Variants in ZFP62 observed in about 807,000 individuals in gnomAD.
ZFP62 encodes ZFP62 zinc finger protein, also known as zinc finger protein 62 homolog.
ZFP62 carries 44 observed loss-of-function variants against 56.4 expected under a neutral mutation model. That is an observed-to-expected ratio of 0.78 (90% confidence interval 0.61 to 1.00). The LOEUF is 1.00. ZFP62 is among the 50% of genes least tolerant of loss of function. The pLI is 0.00. For synonymous variants in ZFP62, 421 were observed against 388.9 expected, an observed-to-expected ratio of 1.08 and a Z score of -0.97; for missense variants, 1,030 against 1,085.7, an observed-to-expected ratio of 0.95 and a Z score of 0.72.
downstream of ZFP62, among the ~76,000 whole-genome samples, chr5:180,843,512 C>T (rs981401895): frequency 4.0e-5 from 6 of 151,848 alleles, no homozygotes; most frequent in African/African-American, 9.7e-5. Flanking sequence ...TGCCATATAA[C>T]GGTAACCAAA....
At chr5:180,846,799 C>T (rs1335503015), downstream of ZFP62, among the ~76,000 whole-genome samples, 2 of 152,168 alleles carry the variant, frequency 1.3e-5, no homozygotes, top group African/African-American at 4.8e-5. Flanking sequence ...CCATCCTCTC[C>T]CACCCAGTAC....
intron 1 of ZFP62, among the ~76,000 whole-genome samples, chr5:180,858,257 C>CAAAAAAAAAAAAAAAAAAAA (rs1159409435): frequency 2.5e-5 from 1 of 40,272 alleles, no homozygotes; most frequent in African/African-American, 8.1e-5. Context: ...AACTCTGTCT[C>CAAAAAAAAAAAAAAAAAAAA]AAAAAAAAAA....
chr5:180,849,589 T>C lies in ZFP62; in HGVS notation c.1906A>G (p.Arg636Gly), dbSNP rs1273964168. 2 of 1,552,156 alleles carry C rather than the reference T, an allele frequency of 1.3e-6. No homozygotes were observed. The highest frequency in any genetic ancestry group is 1.7e-6 in the Non-Finnish European group (2 of 1,147,116). The change falls in exon 2 of 2, where the codon AGA becomes GGA. Residue 636 changes from arginine (R) to glycine (G), a missense_variant. Coordinates refer to ENST00000502412, the MANE Select transcript of ZFP62 (RefSeq NM_001172638.2). ...GGTTTCTCTCTAGTGTGGACCCTTCTGTGCTGAGAAAGGAGCGATGTGTAA... is the reference window on the plus strand; with the variant it reads ...GGTTTCTCTCTAGTGTGGACCCTTCCGTGCTGAGAAAGGAGCGATGTGTAA... ...FNYTSLLSQH[R>G]RVHTREKPYE...
rs1185106266 is a variant in ZFP62 at position 180,849,689 on chromosome 5, T to C, written c.1806A>G (p.Arg602=). 1 of 1,551,392 alleles carries C rather than the reference T, an allele frequency of 6.4e-7. No homozygotes were observed. The highest frequency in any genetic ancestry group is 1.4e-5 in the African/African-American group (1 of 72,956). The change falls in exon 2 of 2, where the codon CGA becomes CGG. Residue 602 remains arginine (R), a synonymous_variant. Transcript: ENST00000502412. ...DECEKAFITY[R]TLTNHKKVHL... is the part of the protein sequence containing the mutation. ...GAACTTTTTTGTGGTTTGTAAGGGTTCGGTATGTGATGAAGGCCTTCTCAC... is the reference window on the plus strand; with the variant it reads ...GAACTTTTTTGTGGTTTGTAAGGGTCCGGTATGTGATGAAGGCCTTCTCAC...
At chr5:180,836,176 C>A in the ZFP62 span, among the ~76,000 whole-genome samples, 3 of 152,320 alleles carry the variant, frequency 2.0e-5, no homozygotes, top group African/African-American at 7.2e-5. Context: ...CACACAACGG[C>A]CTAACGATGC....
chr5:180,846,260 G>A (rs1361997128), downstream of ZFP62, among the ~76,000 whole-genome samples: 1 of 152,122 alleles, frequency 6.6e-6, no homozygotes, highest in African/African-American at 2.4e-5. Context: ...GAGCTTGTCT[G>A]GTGCTTAGTG....
At chr5:180,846,659 T>C (rs185408401), downstream of ZFP62, among the ~76,000 whole-genome samples, 13 of 152,252 alleles carry the variant, frequency 8.5e-5, no homozygotes, top group East Asian at 2.5e-3. Context: ...ATGTCACCAA[T>C]TCCTCCCTCT....
downstream of ZFP62, among the ~76,000 whole-genome samples, chr5:180,844,977 A>T (rs1773380323): frequency 6.6e-6 from 1 of 152,042 alleles, no homozygotes; most frequent in Non-Finnish European, 1.5e-5. Context: ...TAACACTATT[A>T]ATGTTTCCAA....
Position 180,849,477 on chromosome 5 carries a change from T to C in ZFP62, c.2018A>G (p.Tyr673Cys). ...GGCTTTTCCACACACATCACATTCATAGGGCCTCTCCCCAGTATGGATTCT... is the reference window on the plus strand; with the variant it reads ...GGCTTTTCCACACACATCACATTCACAGGGCCTCTCCCCAGTATGGATTCT... ...HKRIHTGERP[Y>C]ECDVCGKAYI... Residue 673 changes from tyrosine to cysteine, a missense_variant, in exon 2 of 2, where the codon TAT (tyrosine) becomes TGT (cysteine). By Grantham distance (194) the Tyr-to-Cys change is radical. Transcript: ENST00000502412. 1.3e-6 allele frequency: 2 copies of C among 1,552,234 alleles called. No individual in the cohort carries two copies. The highest frequency in any genetic ancestry group is 1.7e-6 in the Non-Finnish European group (2 of 1,147,160).
At chr5:180,852,828 T>C (rs1486978144) in intron 1 of ZFP62, among the ~76,000 whole-genome samples, 1 of 152,250 alleles carries the variant, frequency 6.6e-6, no homozygotes, top group Non-Finnish European at 1.5e-5. Context: ...TTCTTTTAAA[T>C]GGTCCTTAAA....
Position 180,848,658 on chromosome 5 carries a change from GA to G in ZFP62, c.*133del. ...GCTTGCTATGATTGAAAATCACATA[GA>G]AAGGATTCCTCATAATCCTCTAGGA... On this transcript the variant is annotated 3_prime_UTR_variant, in exon 2 of 2. Coordinates refer to ENST00000502412, the MANE Select transcript of ZFP62 (RefSeq NM_001172638.2). 7.2e-7 allele frequency: 1 copy of G among 1,383,614 alleles called. No homozygotes were observed. Among genetic ancestry groups the G allele is most frequent in the Non-Finnish European group, 9.4e-7 (1 of 1,068,532 alleles). 85.7% of individuals were successfully genotyped at this position (1,383,614 alleles called of 1,614,324 possible). A position where few individuals can be genotyped will look rare whatever the true frequency, so the allele number is the denominator to read the frequency against.
At chr5:180,828,141 A>G in the ZFP62 span, among the ~76,000 whole-genome samples, 1 of 151,934 alleles carries the variant, frequency 6.6e-6, no homozygotes, top group Non-Finnish European at 1.5e-5. Context: ...TTCTTTCTCT[A>G]TACTTTGTCT....
chr5:180,827,009 A>G, the ZFP62 span, among the ~76,000 whole-genome samples: 1 of 152,160 alleles, frequency 6.6e-6, no homozygotes, highest in African/African-American at 2.4e-5. Context: ...GGTGTAGGTA[A>G]TGTAGAGGTT....
chr5:180,832,089 C>CAAAACAA, the ZFP62 span: 1 of 152,190 alleles, frequency 6.6e-6, no homozygotes, highest in African/African-American at 2.4e-5. Context: ...GACTCCATCT[C>CAAAACAA]AAAACAAAAA....
intron 1 of ZFP62, among the ~76,000 whole-genome samples, chr5:180,852,674 T>C (rs1322375250): frequency 6.6e-6 from 1 of 151,462 alleles, no homozygotes; most frequent in Non-Finnish European, 1.5e-5. Context: ...CCAGAAAACA[T>C]GGGTAAATGC....
rs550677153 is a variant in ZFP62 at position 180,847,997 on chromosome 5, C to T, written c.*795G>A. The T allele has an allele frequency of 8.1e-6, 8 of 985,418 alleles. No homozygotes were observed. The highest frequency in any genetic ancestry group is 9.6e-6 in the Non-Finnish European group (8 of 829,922). 61.0% of individuals were successfully genotyped at this position (985,418 alleles called of 1,614,324 possible). A position where few individuals can be genotyped will look rare whatever the true frequency, so the allele number is the denominator to read the frequency against. On this transcript the variant is annotated 3_prime_UTR_variant, in exon 2 of 2. Coordinates refer to ENST00000502412, the MANE Select transcript of ZFP62 (RefSeq NM_001172638.2). ...GTCAAAATCCTCTCCACGGTAGAAC[C>T]TTTTATTGTAGCATAATGTGTGAAT...
chr5:180,835,452 G>C, the ZFP62 span: 1 of 152,126 alleles, frequency 6.6e-6, no homozygotes, highest in Non-Finnish European at 1.5e-5. Flanking sequence ...CCATGCCACC[G>C]GCTTCTCTGA....
In ZFP62 at chr5:180,849,215, A is replaced by C. The variant is rs1480676460; in HGVS notation, c.2280T>G (p.Asp760Glu). 6.4e-7 allele frequency: 1 copy of C among 1,559,762 alleles called. No homozygotes were observed. The highest frequency in any genetic ancestry group is 1.2e-5 in the South Asian group (1 of 84,486). Residue 760 changes from aspartate (D) to glutamate (E), a missense_variant, in exon 2 of 2, where the codon GAT becomes GAG. Physicochemically the swap from Asp to Glu is conservative, Grantham distance 45. Transcript: ENST00000502412. ...TGTTCCTGAAGGCCTTCCCACACCT[A>C]TCACACACATAGGGTTTCTCCCCTG... Reference protein sequence around the residue: ...IHTGEKPYVCDRCGKAFRNSS... With the variant: ...IHTGEKPYVCERCGKAFRNSS...
chr5:180,829,731 A>G, the ZFP62 span, among the ~76,000 whole-genome samples: 1 of 152,208 alleles, frequency 6.6e-6, no homozygotes, highest in Admixed American at 6.5e-5. Flanking sequence ...GAAGCTCATC[A>G]GTGACGTGAC....
Sources: allele counts gnomAD v4.1 joint callset (sites outside exome capture counted in the v4.1 genomes callset), GRCh38; gene constraint gnomAD v4.1.1; transcripts MANE v1.5; gene names NCBI Gene and HGNC (gene_info 2026-07-23, HGNC 2026-07-21).